Variants in VMA21 observed in about 807,000 individuals in gnomAD.
VMA21 encodes the protein vacuolar ATPase assembly factor VMA21.
For synonymous variants in VMA21, 47 were observed against 34.1 expected (o/e 1.38, Z -1.32); for missense variants, 61 against 80.6 (o/e 0.76, Z 0.93).
rs988090893 is a variant in VMA21, at chrX:151,408,733, A to G, written c.*3675A>G. On this transcript the variant is annotated 3_prime_UTR_variant, in exon 3 of 3. Transcript: ENST00000330374. Reference sequence around the variant, plus strand: ...TAAATTATTTTCAGGGACTTTGGGAATCTAATGATAAATATTACACATAAT... The same window carrying G: ...TAAATTATTTTCAGGGACTTTGGGAGTCTAATGATAAATATTACACATAAT... 6.2e-5 allele frequency: 7 copies of G among 112,888 alleles called. No individual in the cohort carries two copies. Among genetic ancestry groups the G allele is most frequent in the African/African-American group, 2.3e-4 (7 of 31,049 alleles). 9.3% of individuals were successfully genotyped at this position (112,888 alleles called of 1,213,427 possible). A position where few individuals can be genotyped will look rare whatever the true frequency, so the allele number is the denominator to read the frequency against.
At chrX:151,401,075 G>C (rs1165081393) in intron 1 of VMA21, among the ~76,000 whole-genome samples, 3 of 112,183 alleles carry the variant, frequency 2.7e-5, no homozygotes, top group African/African-American at 9.7e-5. Context: ...TGTAGCCTGA[G>C]CTTTTGGTGT....
chrX:151,404,951 T>A lies in VMA21; in HGVS notation c.199T>A (p.Tyr67Asn). 1 of 1,211,492 alleles carries A rather than the reference T, an allele frequency of 8.3e-7. No homozygotes were observed. The highest frequency in any genetic ancestry group is 3.0e-5 in the East Asian group (1 of 33,842). ...GATGTCCAATAGGGACAGCTATTTTTACGCTGCTATTGTTGCAGTGGTCGC... is the reference window on the plus strand; with the variant it reads ...GATGTCCAATAGGGACAGCTATTTTAACGCTGCTATTGTTGCAGTGGTCGC... ...LGMSNRDSYF[Y>N]AAIVAVVAVH... Residue 67 changes from tyrosine (Y) to asparagine (N), a missense_variant, in exon 3 of 3, where the codon TAC becomes AAC. Coordinates refer to ENST00000330374, the MANE Select transcript of VMA21 (RefSeq NM_001017980.4).
chrX:151,399,310 T>C (rs1451458326), intron 1 of VMA21, among the ~76,000 whole-genome samples: 1 of 111,873 alleles, frequency 8.9e-6, no homozygotes, highest in Non-Finnish European at 1.9e-5. Flanking sequence ...GGTGGGATTA[T>C]AGGTGATTTT....
At chrX:151,400,028 TTTGTG>T in intron 1 of VMA21, among the ~76,000 whole-genome samples, 2 of 111,434 alleles carry the variant, frequency 1.8e-5, no homozygotes, top group East Asian at 5.6e-4. Context: ...CTCACATACT[TTTGTG>T]TGTGTGTGAC....
intron 1 of VMA21, among the ~76,000 whole-genome samples, chrX:151,397,961 ACATT>A (rs1177579834): frequency 1.8e-5 from 2 of 111,288 alleles, no homozygotes; most frequent in Non-Finnish European, 3.8e-5. Context: ...TGCTTTACAT[ACATT>A]GTCAGAATTC....
rs150003135 is a variant in VMA21, at chrX:151,404,995, C to T, written c.243C>T (p.Ala81=). 1.9e-5 allele frequency: 23 copies of T among 1,210,883 alleles called. No individual in the cohort carries two copies. The highest frequency in any genetic ancestry group is 2.5e-5 in the Non-Finnish European group (22 of 895,328). ...VAVVAVHVVL[A]LFVYVAWNEG... Reference sequence around the variant, plus strand: ...TGGTCGCCGTCCATGTGGTGCTGGCCCTCTTTGTGTATGTGGCCTGGAATG... The same window carrying T: ...TGGTCGCCGTCCATGTGGTGCTGGCTCTCTTTGTGTATGTGGCCTGGAATG... The change falls in exon 3 of 3, where the codon GCC becomes GCT. Residue 81 remains alanine, a synonymous_variant. Transcript: ENST00000330374.
chrX:151,399,800 G>T (rs1602816697), intron 1 of VMA21, among the ~76,000 whole-genome samples: 1 of 111,417 alleles, frequency 9.0e-6, no homozygotes, highest in African/African-American at 3.3e-5. Flanking sequence ...ACAGCAGTAA[G>T]CATTTAATTT....
In VMA21 at chrX:151,403,671, T is replaced by C; in HGVS notation, c.94T>C (p.Phe32Leu). Residue 32 changes from phenylalanine to leucine, a missense_variant, in exon 2 of 3, where the codon TTC becomes CTC. Coordinates refer to ENST00000330374, the MANE Select transcript of VMA21 (RefSeq NM_001017980.4). ...AGCATCTACACTGAAGACGCTCCTGTTCTTCACAGCTTTAATGATCACTGT... is the reference window on the plus strand; with the variant it reads ...AGCATCTACACTGAAGACGCTCCTGCTCTTCACAGCTTTAATGATCACTGT... ...SLASTLKTLL[F>L]FTALMITVPI... 1 of 1,210,738 alleles carries C rather than the reference T, an allele frequency of 8.3e-7. No individual in the cohort carries two copies. The highest frequency in any genetic ancestry group is 1.1e-6 in the Non-Finnish European group (1 of 894,313).
chrX:151,405,346 G>A lies in VMA21; in HGVS notation c.*288G>A, dbSNP rs979784918. On this transcript the variant is annotated 3_prime_UTR_variant, in exon 3 of 3. Transcript: ENST00000330374. The stretch of plus-strand genomic sequence containing the variant: ...ATTTTATCTTCTTTCAACAAAACAT[G>A]TTTTATAGTATTCTGACTTACGGTT... 6 of 252,125 alleles carry A rather than the reference G, an allele frequency of 2.4e-5. No homozygotes were observed. Among genetic ancestry groups the A allele is most frequent in the Non-Finnish European group, 3.5e-5 (5 of 143,269 alleles). 20.8% of individuals were successfully genotyped at this position (252,125 alleles called of 1,213,427 possible). A position where few individuals can be genotyped will look rare whatever the true frequency, so the allele number is the denominator to read the frequency against.
chrX:151,405,198 T>A lies in VMA21; in HGVS notation c.*140T>A, dbSNP rs2011277231. 1.4e-6 allele frequency: 1 copy of A among 718,583 alleles called. No individual in the cohort carries two copies. Among genetic ancestry groups the A allele is most frequent in the Non-Finnish European group, 2.0e-6 (1 of 494,124 alleles). The allele number at this position is 718,583 out of a possible 1,213,427, so 59.2% of individuals were successfully genotyped here. On this transcript the variant is annotated 3_prime_UTR_variant, in exon 3 of 3. Coordinates refer to ENST00000330374, the MANE Select transcript of VMA21 (RefSeq NM_001017980.4). Reference sequence around the variant, plus strand: ...TCACGTTTGAGTATGTAAATTTTGATCTTTCTAATATGTTGGTTTGTATAT... The same window carrying A: ...TCACGTTTGAGTATGTAAATTTTGAACTTTCTAATATGTTGGTTTGTATAT...
chrX:151,400,435 G>A (rs181303359), intron 1 of VMA21, among the ~76,000 whole-genome samples: 29 of 110,819 alleles, frequency 2.6e-4, no homozygotes, highest in African/African-American at 8.2e-4. Context: ...TATACACTAC[G>A]GTTTCTTTAT....
intron 1 of VMA21, among the ~76,000 whole-genome samples, chrX:151,403,182 C>T (rs932369621): frequency 1.8e-5 from 2 of 112,480 alleles, no homozygotes; most frequent in African/African-American, 6.5e-5. Context: ...CAAAAGAGGG[C>T]GCGCTGATCC....
At chrX:151,397,069 G>A (rs1342598148), upstream of VMA21, 2 of 466,166 alleles carry the variant, frequency 4.3e-6, no homozygotes, top group Non-Finnish European at 7.6e-6. Context: ...TAAGTCATGT[G>A]AGCGCCCGCC....
chrX:151,404,585 A>AT (rs1373743454), intron 2 of VMA21, among the ~76,000 whole-genome samples: 1 of 106,886 alleles, frequency 9.4e-6, no homozygotes, highest in African/African-American at 3.4e-5. Context: ...CGCCTGGCTA[A>AT]TTTTTTTTGT....
intron 1 of VMA21, among the ~76,000 whole-genome samples, chrX:151,399,310 T>G (rs1451458326): frequency 1.8e-5 from 2 of 111,873 alleles, no homozygotes; most frequent in South Asian, 7.5e-4. Flanking sequence ...GGTGGGATTA[T>G]AGGTGATTTT....
chrX:151,397,610 C>G (rs1005777736), intron 1 of VMA21, among the ~76,000 whole-genome samples: 3 of 109,263 alleles, frequency 2.7e-5, no homozygotes, highest in Non-Finnish European at 5.6e-5. Context: ...TGCTCCTATC[C>G]TAGCACTTTC....
At chrX:151,403,827 A>T (rs2011258474) in intron 2 of VMA21, 87 bp downstream of exon 2, 5 of 670,362 alleles carry the variant, frequency 7.5e-6, no homozygotes, top group African/African-American at 2.1e-5. Flanking sequence ...TAAACTGGGT[A>T]TTCTTATTTT....
intron 2 of VMA21, among the ~76,000 whole-genome samples, chrX:151,404,165 C>A (rs1301828380): frequency 3.6e-5 from 4 of 109,784 alleles, no homozygotes; most frequent in Non-Finnish European, 5.7e-5. Context: ...CCCCCGCCTC[C>A]CATGTTCAAG....
At position 151,401,813 on chromosome X, in the gene VMA21, C is replaced by T. The variant is rs1401876940; in HGVS notation, c.54-1818C>T. ...CCAGGCCAGAGTAAAGTGCCCCAATCACTGCTCACTGCAGCCTTGACCTCT... is the reference window on the plus strand; with the variant it reads ...CCAGGCCAGAGTAAAGTGCCCCAATTACTGCTCACTGCAGCCTTGACCTCT... On this transcript the variant is annotated intron_variant, in intron 1 of 2. Coordinates refer to ENST00000330374, the MANE Select transcript of VMA21 (RefSeq NM_001017980.4). 3.6e-5 allele frequency among the ~76,000 whole-genome samples: 4 copies of T among 111,377 alleles called. No homozygotes were observed. The East Asian group carries it at 1.1e-3, about 32-fold the overall frequency.
Sources: allele counts gnomAD v4.1 joint callset (sites outside exome capture counted in the v4.1 genomes callset), GRCh38; gene constraint gnomAD v4.1.1; transcripts MANE v1.5; gene names NCBI Gene and HGNC (gene_info 2026-07-23, HGNC 2026-07-21).